Variants in AGBL4 observed in about 807,000 individuals in gnomAD.
AGBL4 encodes the protein cytosolic carboxypeptidase 6.
AGBL4 carries 58 observed loss-of-function variants against 66.4 expected under a neutral mutation model. The observed-to-expected ratio is 0.87, with a 90% CI of 0.71 to 1.09. The LOEUF (loss-of-function observed/expected upper bound fraction) is 1.09, where lower values mean the gene tolerates loss of function less well. AGBL4 is among the 50% of genes least tolerant of loss of function. The pLI, the probability that AGBL4 is intolerant of heterozygous loss-of-function variation, is 0.00. For missense variants in AGBL4, 579 were observed against 631.0 expected, an observed-to-expected ratio of 0.92 and a Z score of 0.88; for synonymous variants, 234 against 222.9, an observed-to-expected ratio of 1.05 and a Z score of -0.44.
chr1:49,079,792 T>G (rs1197321165), intron 4 of AGBL4, among the ~76,000 whole-genome samples: 2 of 152,206 alleles, frequency 1.3e-5, no homozygotes, highest in Non-Finnish European at 2.9e-5. Flanking sequence ...TGATTTTTCA[T>G]TTTTGTTCTC....
At chr1:49,376,726 T>C (rs1644479834) in intron 3 of AGBL4, among the ~76,000 whole-genome samples, 1 of 152,102 alleles carries the variant, frequency 6.6e-6, no homozygotes, top group African/African-American at 2.4e-5. Flanking sequence ...AAGATCATTT[T>C]AGAGGGGATC....
intron 3 of AGBL4, among the ~76,000 whole-genome samples, chr1:49,338,526 G>A (rs535754278): frequency 8.5e-5 from 13 of 152,060 alleles, no homozygotes; most frequent in South Asian, 6.2e-4. Context: ...CATATTTGTC[G>A]CACATCTTTT....
rs954558 is a variant in AGBL4, at chr1:49,589,137, T to A, written c.282+108176A>T. The stretch of plus-strand genomic sequence containing the variant: ...GATCTCAAACCTCAAAACAGAGAAG[T>A]TCAATATAAGCTGAGTTGAACTAGA... On this transcript the variant is annotated intron_variant, in intron 3 of 13. Coordinates refer to ENST00000371839, the MANE Select transcript of AGBL4 (RefSeq NM_032785.4). Among the ~76,000 whole-genome samples the A allele has an allele frequency of 6.8e-3, 1,030 of 152,236 alleles. 25 individuals are homozygous for A. Among genetic ancestry groups the A allele is most frequent in the Admixed American group, 0.048 (729 of 15,288 alleles).
chr1:49,025,090 C>A (rs1663550862), intron 5 of AGBL4, among the ~76,000 whole-genome samples: 1 of 152,174 alleles, frequency 6.6e-6, no homozygotes. Flanking sequence ...AAGGTTCTAA[C>A]CTATGTAGCC....
chr1:49,074,185 G>A lies in AGBL4; in HGVS notation c.378-28385C>T, dbSNP rs563396170. ...TTAACTTGCTGGGCTCTGTGGGCAT[G>A]GGACCTGCTGAGCCAGGCACCGGAG... On this transcript the variant is annotated intron_variant, in intron 4 of 13. Transcript: ENST00000371839. Among the ~76,000 whole-genome samples the A allele has an allele frequency of 7.2e-5, 11 of 152,318 alleles. No individual in the cohort carries two copies. In the South Asian group the frequency reaches 2.3e-3, roughly 32 times the overall value.
At position 48,868,920 on chromosome 1, in the gene AGBL4, A is replaced by G. The variant is rs184678434; in HGVS notation, c.595-1690T>C. On this transcript the variant is annotated intron_variant, in intron 5 of 13. Coordinates refer to ENST00000371839, the MANE Select transcript of AGBL4 (RefSeq NM_032785.4). ...TTCAGTCCATGACAATAGTTTGGAG[A>G]GCTGATGAAGATCTGTGTTGTCTTC... Among the ~76,000 whole-genome samples, 461 of 152,266 alleles carry G rather than the reference A, an allele frequency of 3.0e-3. 3 individuals carry two copies. Among genetic ancestry groups the G allele is most frequent in the African/African-American group, 9.9e-3 (410 of 41,554 alleles).
At chr1:49,556,725 G>A (rs1271302234) in intron 3 of AGBL4, among the ~76,000 whole-genome samples, 3 of 151,968 alleles carry the variant, frequency 2.0e-5, no homozygotes, top group African/African-American at 7.2e-5. Flanking sequence ...TCAGCCCTTG[G>A]GCCGTCCATG....
intron 3 of AGBL4, among the ~76,000 whole-genome samples, chr1:49,619,167 G>A (rs1343846561): frequency 6.6e-6 from 1 of 152,144 alleles, no homozygotes. Context: ...TAAGAAGAGA[G>A]GAAGTCAAAT....
intron 4 of AGBL4, among the ~76,000 whole-genome samples, chr1:49,199,145 C>T (rs1207913468): frequency 6.6e-6 from 1 of 152,116 alleles, no homozygotes; most frequent in African/African-American, 2.4e-5. Flanking sequence ...CTTACAGCTA[C>T]TAAAAGTACC....
chr1:48,942,346 A>G (rs953558146), intron 5 of AGBL4, among the ~76,000 whole-genome samples: 2 of 151,800 alleles, frequency 1.3e-5, no homozygotes, highest in Non-Finnish European at 2.9e-5. Flanking sequence ...ATATGGCTTT[A>G]GAGCCAGACT....
chr1:49,357,938 A>G (rs569774190), intron 3 of AGBL4, among the ~76,000 whole-genome samples: 1 of 152,172 alleles, frequency 6.6e-6, no homozygotes, highest in African/African-American at 2.4e-5. Flanking sequence ...AACATCCTCT[A>G]GGTCCCATGT....
chr1:48,915,421 T>C (rs1055603254), intron 5 of AGBL4, among the ~76,000 whole-genome samples: 1 of 152,190 alleles, frequency 6.6e-6, no homozygotes, highest in African/African-American at 2.4e-5. Flanking sequence ...TTTTGGAACA[T>C]TGTCCCCACT....
chr1:49,999,900 T>C (rs1030610770), intron 1 of AGBL4, among the ~76,000 whole-genome samples: 1 of 152,114 alleles, frequency 6.6e-6, no homozygotes, highest in Non-Finnish European at 1.5e-5. Flanking sequence ...TCCTCATCTC[T>C]CACCCTATAC....
rs543332520 is a variant in AGBL4, at chr1:48,538,587, A to G, written c.1364+1055T>C. ...CTAGGATGAAACCCTGGCTCTCCCA[A>G]AAACTCTTTGACCTCAGGCATCTCA... On this transcript the variant is annotated intron_variant, in intron 12 of 13. Transcript: ENST00000371839. 2.1e-4 allele frequency among the ~76,000 whole-genome samples: 32 copies of G among 152,130 alleles called. No individual in the cohort carries two copies. In the South Asian group the frequency reaches 6.6e-3, roughly 32 times the overall value.
chr1:48,776,699 C>G (rs770186074), intron 6 of AGBL4: 4 of 1,518,432 alleles, frequency 2.6e-6, no homozygotes, highest in Admixed American at 2.1e-5. Context: ...CCCAATTCCT[C>G]CGGGCCCCGG....
chr1:49,874,079 G>C (rs548739405), intron 1 of AGBL4, among the ~76,000 whole-genome samples: 2 of 151,956 alleles, frequency 1.3e-5, no homozygotes, highest in African/African-American at 4.8e-5. Context: ...TCCATATGCA[G>C]CTCCAACAAA....
At chr1:49,844,701 T>C (rs1477792065) in intron 2 of AGBL4, 55 of 1,601,182 alleles carry the variant, frequency 3.4e-5, no homozygotes, top group Non-Finnish European at 4.4e-5. Context: ...ACTTGGAAAC[T>C]AGACCCAAAG....
At chr1:48,764,995 TA>T (rs1644461474) in intron 6 of AGBL4, among the ~76,000 whole-genome samples, 1 of 152,208 alleles carries the variant, frequency 6.6e-6, no homozygotes, top group African/African-American at 2.4e-5. Context: ...CCACCAGCTA[TA>T]CTCAAGGCTC....
the AGBL4 span, among the ~76,000 whole-genome samples, chr1:48,523,350 C>T: frequency 6.6e-6 from 1 of 152,130 alleles, no homozygotes; most frequent in African/African-American, 2.4e-5. Context: ...CTAGTAGGAA[C>T]TCAGAGAATG....
Sources: gnomAD v4.1 joint callset for allele counts (sites outside exome capture counted in the v4.1 genomes callset) on GRCh38, gnomAD v4.1.1 for gene constraint, MANE v1.5 for transcripts, NCBI Gene and HGNC (gene_info 2026-07-23, HGNC 2026-07-21) for gene names.